Variants in ATR observed in about 807,000 individuals in gnomAD.
The protein encoded by ATR is serine/threonine-protein kinase ATR.
A neutral mutation model predicts 305.3 loss-of-function variants in ATR; 142 were observed. That is an observed-to-expected ratio of 0.47 (90% CI 0.41 to 0.53). The LOEUF is 0.53. Ranked by LOEUF, ATR falls within the 20% of genes least tolerant of loss-of-function variation. ATR has a pLI of 0.00. For synonymous variants in ATR, 1,050 were observed against 1,068.1 expected, an observed-to-expected ratio of 0.98 and a Z score of 0.33; for missense variants, 2,135 against 3,133.1, an observed-to-expected ratio of 0.68 and a Z score of 7.60.
At chr3:142,475,121 T>G (rs1266115475) in intron 36 of ATR, among the ~76,000 whole-genome samples, 1 of 152,212 alleles carries the variant, frequency 6.6e-6, no homozygotes, top group Non-Finnish European at 1.5e-5. Context: ...AATTATACTT[T>G]AAGTTATAGA....
rs781098462 is a variant in ATR at position 142,503,345 on chromosome 3, A to T, written c.5288+17T>A. 1 of 1,560,936 alleles carries T rather than the reference A, an allele frequency of 6.4e-7. No homozygotes were observed. The highest frequency in any genetic ancestry group is 8.8e-7 in the Non-Finnish European group (1 of 1,133,466). On this transcript the variant is annotated intron_variant, in intron 30 of 46. Transcript: ENST00000350721. Reference sequence around the variant, plus strand: ...TCAGATGCAATAACAAAAGAAAATCATTTTATAAAATATTACCTGTTAGCA... The same window carrying T: ...TCAGATGCAATAACAAAAGAAAATCTTTTTATAAAATATTACCTGTTAGCA...
At chr3:142,504,213 C>A (rs1029309918) in intron 29 of ATR, among the ~76,000 whole-genome samples, 5 of 152,166 alleles carry the variant, frequency 3.3e-5, no homozygotes, top group African/African-American at 1.2e-4. Flanking sequence ...CTAACTGTAA[C>A]TCTGTGATTC....
chr3:142,566,271 T>A lies in ATR; in HGVS notation c.152-10A>T, dbSNP rs979913332. 7 of 1,612,400 alleles carry A rather than the reference T, an allele frequency of 4.3e-6. No homozygotes were observed. The Admixed American group carries it at 8.3e-5, about 19-fold the overall frequency. On this transcript the variant is annotated splice_polypyrimidine_tract_variant and intron_variant, in intron 2 of 46. Coordinates refer to ENST00000350721, the MANE Select transcript of ATR (RefSeq NM_001184.4). ...ACAAGTTCTACAGCAACTAAAACAA[T>A]AAGATTCATTTTAAAGAGTCATGAC...
chr3:142,502,733 C>G (rs2032037714), intron 30 of ATR, among the ~76,000 whole-genome samples: 1 of 152,110 alleles, frequency 6.6e-6, no homozygotes, highest in African/African-American at 2.4e-5. Flanking sequence ...TTTTACTGCC[C>G]AGAATAGCCA....
chr3:142,534,097 C>T (rs1456590214), intron 21 of ATR, among the ~76,000 whole-genome samples: 1 of 152,022 alleles, frequency 6.6e-6, no homozygotes, highest in Admixed American at 6.6e-5. Flanking sequence ...CTTTGTGATT[C>T]ATAAATCTCT....
rs1484211952 is a variant in ATR, at chr3:142,509,716, C to T, written c.4853-1607G>A. 4.6e-5 allele frequency among the ~76,000 whole-genome samples: 7 copies of T among 151,730 alleles called. No homozygotes were observed. In the East Asian group the frequency reaches 7.7e-4, roughly 17 times the overall value. On this transcript the variant is annotated intron_variant, in intron 27 of 46. Coordinates refer to ENST00000350721, the MANE Select transcript of ATR (RefSeq NM_001184.4). ...AGGACTACAGGTGCACACCACCACA[C>T]CCAGCTAATTTTTGTATTTTTTGTA...
chr3:142,567,662 G>A (rs985248552), intron 2 of ATR, among the ~76,000 whole-genome samples: 1 of 152,106 alleles, frequency 6.6e-6, no homozygotes, highest in African/African-American at 2.4e-5. Flanking sequence ...ATCTCCTATA[G>A]GCACAGGCAT....
intron 46 of ATR, chr3:142,450,190 A>C: frequency 2.1e-6 from 1 of 466,924 alleles, no homozygotes; most frequent in Non-Finnish European, 4.0e-6. Context: ...CTTTTCCGCC[A>C]AGAGCCTGGA....
intron 10 of ATR, among the ~76,000 whole-genome samples, chr3:142,554,958 G>A (rs1040015693): frequency 3.0e-4 from 46 of 151,348 alleles, no homozygotes; most frequent in African/African-American, 1.0e-3. Context: ...AAGAAAGGCC[G>A]GGCATGGTGG....
At position 142,470,847 on chromosome 3, in the gene ATR, G is replaced by C. The variant is rs150983275; in HGVS notation, c.6222-664C>G. On this transcript the variant is annotated intron_variant, in intron 36 of 46. Transcript: ENST00000350721. ...CTCAACGCTGTTTCTGGTAAAATTT[G>C]TGAAAAGTTAAAGTTCTCTCCTTCT... Among the ~76,000 whole-genome samples, 3 of 152,198 alleles carry C rather than the reference G, an allele frequency of 2.0e-5. No individual in the cohort carries two copies. The East Asian group carries it at 5.8e-4, about 29-fold the overall frequency.
intron 37 of ATR, 63 bp from the exon 38 acceptor site, chr3:142,469,632 T>C (rs2071212749): frequency 1.4e-6 from 2 of 1,425,768 alleles, no homozygotes; most frequent in African/African-American, 1.4e-5. Flanking sequence ...TATCAGTTCA[T>C]TTCACAGAAG....
chr3:142,568,141 C>T lies in ATR; in HGVS notation c.73G>A (p.Glu25Lys), dbSNP rs1353411105. ...LRELGSATPE[E>K]YNTVVQKPRQ... ...GGCTTCTGTACAACTGTATTATATT[C>T]CTCTGGTGTGGCACTAAAATACAAA... The change falls in exon 2 of 47, where the codon GAA becomes AAA. Residue 25 changes from glutamate to lysine, a missense_variant. Coordinates refer to ENST00000350721, the MANE Select transcript of ATR (RefSeq NM_001184.4). The T allele has an allele frequency of 6.2e-7, 1 of 1,611,656 alleles. No individual in the cohort carries two copies. The highest frequency in any genetic ancestry group is 1.1e-5 in the South Asian group (1 of 90,936).
chr3:142,469,039 T>C (rs547780088), intron 38 of ATR, among the ~76,000 whole-genome samples: 1 of 152,266 alleles, frequency 6.6e-6, no homozygotes, highest in East Asian at 1.9e-4. Flanking sequence ...AAAATATTTG[T>C]GAAAACATAG....
rs772310828 is a variant in ATR, at chr3:142,556,115, G to A, written c.2103C>T (p.Asp701=). 6.2e-7 allele frequency: 1 copy of A among 1,612,870 alleles called. No homozygotes were observed. The highest frequency in any genetic ancestry group is 2.2e-5 in the East Asian group (1 of 44,840). ...TAGAAGCAAATTCTTTCTTGACAAT[G>A]TCAGAATCATCTTTGACTTTATCTC... is the stretch of plus-strand genomic sequence containing the variant. ...ILIDKVKDDS[D]IVKKEFASIL... Residue 701 remains aspartate (D), a synonymous_variant, in exon 10 of 47, where the codon GAC becomes GAT. Coordinates refer to ENST00000350721, the MANE Select transcript of ATR (RefSeq NM_001184.4).
In ATR at chr3:142,550,100, A is replaced by C. The variant is rs752225650; in HGVS notation, c.2976+32T>G. 15 of 1,611,644 alleles carry C rather than the reference A, an allele frequency of 9.3e-6. No individual in the cohort carries two copies. In the East Asian group the frequency reaches 3.1e-4, roughly 34 times the overall value. On this transcript the variant is annotated intron_variant, in intron 14 of 46. Transcript: ENST00000350721. ...TGGAATGAACAAAATACTGAATTGC[A>C]AACCTCAAGTGAACTATATGTTGCA...
chr3:142,521,927 G>T (rs897277851), intron 23 of ATR, among the ~76,000 whole-genome samples: 12 of 152,184 alleles, frequency 7.9e-5, no homozygotes, highest in Non-Finnish European at 1.5e-4. Flanking sequence ...GGTTTGAGAG[G>T]ACTCATTCAA....
intron 45 of ATR, 23 bp from the exon 46 acceptor site, chr3:142,453,256 G>A (rs781466224): frequency 6.2e-7 from 1 of 1,606,164 alleles, no homozygotes. Flanking sequence ...CAAATATTAT[G>A]GTATGATGTT....
At chr3:142,538,154 T>C (rs932044799) in intron 19 of ATR, among the ~76,000 whole-genome samples, 1 of 152,182 alleles carries the variant, frequency 6.6e-6, no homozygotes, top group South Asian at 2.1e-4. Flanking sequence ...AGAAAGTAGG[T>C]ATCTCTCCTA....
chr3:142,560,674 C>T (rs2034847453), intron 5 of ATR, among the ~76,000 whole-genome samples: 1 of 152,024 alleles, frequency 6.6e-6, no homozygotes, highest in South Asian at 2.1e-4. Context: ...CATTCTCCTG[C>T]CTCAGCCTCC....
Sources: gnomAD v4.1 joint callset for allele counts (sites outside exome capture counted in the v4.1 genomes callset) on GRCh38, gnomAD v4.1.1 for gene constraint, MANE v1.5 for transcripts, NCBI Gene and HGNC (gene_info 2026-07-23, HGNC 2026-07-21) for gene names.